DNAH12: variants seen among roughly 807,000 people sequenced by gnomAD.
DNAH12 encodes axonemal beta dynein heavy chain 12.
A neutral mutation model predicts 371.5 loss-of-function variants in DNAH12; 285 were observed. The ratio of observed to expected loss-of-function variants is 0.77; its 90% CI spans 0.70 to 0.85. DNAH12 has a LOEUF of 0.85. Among genes scored for constraint, DNAH12 ranks in the 40% least tolerant of loss-of-function variants. The pLI, the probability that DNAH12 is intolerant of heterozygous loss-of-function variation, is 0.00. For synonymous variants in DNAH12, 1,200 were observed against 1,213.0 expected (o/e 0.99, Z 0.22); for missense variants, 3,611 against 3,689.4 (o/e 0.98, Z 0.55).
Position 57,471,495 on chromosome 3 carries a change from C to T in DNAH12, c.1888G>A (p.Ala630Thr), listed in dbSNP as rs369526428. 6.5e-6 allele frequency: 10 copies of T among 1,547,364 alleles called. No individual in the cohort carries two copies. Among genetic ancestry groups the T allele is most frequent in the African/African-American group, 1.4e-5 (1 of 72,782 alleles). Reference protein sequence around the residue: ...SRRMEEFTEFAELERMQQYVT... With the variant: ...SRRMEEFTEFTELERMQQYVT... Reference sequence around the variant, plus strand: ...ACCTGTTGCATGCGCTCCAGCTCTGCAAATTCTGTAAACTCCTCCATGCGG... The same window carrying T: ...ACCTGTTGCATGCGCTCCAGCTCTGTAAATTCTGTAAACTCCTCCATGCGG... The change falls in exon 15 of 74, where the codon GCA (alanine) becomes ACA (threonine). Residue 630 changes from alanine (A) to threonine (T), a missense_variant. By Grantham distance (58) the Ala-to-Thr change is moderately conservative (BLOSUM62 0). Coordinates refer to ENST00000495027, the MANE Select transcript of DNAH12 (RefSeq NM_001366028.2).
chr3:57,352,147 G>GCATATA lies in DNAH12; in HGVS notation c.9606_9611dup (p.Ile3203_Cys3204dup). 6.5e-7 allele frequency: 1 copy of GCATATA among 1,542,754 alleles called. No homozygotes were observed. Among genetic ancestry groups the GCATATA allele is most frequent in the South Asian group, 1.2e-5 (1 of 80,644 alleles). On this transcript the variant is annotated inframe_insertion, in exon 60 of 74. Transcript: ENST00000495027. ...GCTTGTCCTTCTCAAATAGTGATCG[G>GCATATA]CATATATTACAATATAAGTTGTATG...
intron 25 of DNAH12, among the ~76,000 whole-genome samples, chr3:57,448,318 TACAGCTCTTAAG>T (rs1377177307): frequency 1.3e-5 from 2 of 152,070 alleles, no homozygotes; most frequent in Non-Finnish European, 1.5e-5. Context: ...CAGTGAGTGT[TACAGCTCTTAAG>T]GCAGCACGTC....
rs371082386 is a variant in DNAH12, at chr3:57,509,115, A to T, written c.542+25T>A. 3.8e-6 allele frequency: 6 copies of T among 1,584,572 alleles called. No homozygotes were observed. In the African/African-American group the frequency reaches 6.8e-5, roughly 18 times the overall value. Reference sequence around the variant, plus strand: ...ATCTATATCAAAAATTGGATGAAGTACTGTTTTTAAAATAATTTACTCACA... The same window carrying T: ...ATCTATATCAAAAATTGGATGAAGTTCTGTTTTTAAAATAATTTACTCACA... On this transcript the variant is annotated intron_variant, in intron 6 of 73. Transcript: ENST00000495027.
At chr3:57,473,418 G>A (rs1320691803) in intron 13 of DNAH12, among the ~76,000 whole-genome samples, 1 of 151,960 alleles carries the variant, frequency 6.6e-6, no homozygotes, top group Non-Finnish European at 1.5e-5. Context: ...CCCAGGAGGT[G>A]GAGGTTGCAG....
intron 12 of DNAH12, among the ~76,000 whole-genome samples, chr3:57,484,925 T>C (rs2066874528): frequency 6.6e-6 from 1 of 151,802 alleles, no homozygotes. Context: ...AAAAAACCTA[T>C]GAAAAAATGC....
At chr3:57,509,074 GA>G (rs1216909246) in intron 6 of DNAH12, 65 bp downstream of exon 6, 89 of 1,345,352 alleles carry the variant, frequency 6.6e-5, no homozygotes, top group Non-Finnish European at 8.9e-5. Context: ...TTGAAGGTAA[GA>G]TCAGTTTATT....
intron 2 of DNAH12, among the ~76,000 whole-genome samples, chr3:57,532,866 G>T (rs1028255864): frequency 1.3e-5 from 2 of 152,158 alleles, no homozygotes; most frequent in African/African-American, 4.8e-5. Context: ...AAAGCCGTAG[G>T]TCTCTACAAT....
Position 57,293,748 on chromosome 3 carries a change from T to C in DNAH12, c.*33A>G. 1 of 1,513,356 alleles carries C rather than the reference T, an allele frequency of 6.6e-7. No homozygotes were observed. The highest frequency in any genetic ancestry group is 1.3e-5 in the South Asian group (1 of 78,528). The allele number at this position is 1,513,356 out of a possible 1,614,324, so 93.7% of individuals were successfully genotyped here. A position where few individuals can be genotyped will look rare whatever the true frequency, so the allele number is the denominator to read the frequency against. On this transcript the variant is annotated 3_prime_UTR_variant, in exon 74 of 74. Transcript: ENST00000495027. ...TAAGTAGGACAGGTTTTTTTTTTTTTAAACTTTTGGATGTTTTATAAATTT... is the reference window on the plus strand; with the variant it reads ...TAAGTAGGACAGGTTTTTTTTTTTTCAAACTTTTGGATGTTTTATAAATTT...
intron 69 of DNAH12, among the ~76,000 whole-genome samples, chr3:57,305,708 A>C (rs1482852349): frequency 6.6e-6 from 1 of 152,120 alleles, no homozygotes; most frequent in Non-Finnish European, 1.5e-5. Context: ...CTCAATATAC[A>C]TTTTATTACC....
chr3:57,339,186 G>C (rs934515271), intron 60 of DNAH12, among the ~76,000 whole-genome samples: 35 of 152,112 alleles, frequency 2.3e-4, no homozygotes, highest in Admixed American at 2.0e-3. Flanking sequence ...CAGCATGCTC[G>C]TTAAGAGTCA....
At chr3:57,352,003 C>T (rs2062687118) in intron 60 of DNAH12, 82 bp downstream of exon 60, 2 of 1,356,330 alleles carry the variant, frequency 1.5e-6, no homozygotes, top group Non-Finnish European at 2.0e-6. Flanking sequence ...ATATAGACTT[C>T]TGTGAGAAGA....
At chr3:57,300,135 G>T (rs993382324) in intron 70 of DNAH12, among the ~76,000 whole-genome samples, 6 of 152,138 alleles carry the variant, frequency 3.9e-5, no homozygotes, top group African/African-American at 1.4e-4. Flanking sequence ...CTTCTCTGCT[G>T]TGCTGCCCAC....
chr3:57,421,062 A>G (rs933017810), intron 36 of DNAH12, among the ~76,000 whole-genome samples: 4 of 148,750 alleles, frequency 2.7e-5, no homozygotes, highest in South Asian at 4.4e-4. Context: ...CTGTGTTAGC[A>G]TGGTTTTGGG....
At chr3:57,376,846 G>A (rs1254310106) in intron 53 of DNAH12, 135 bp downstream of exon 53, 1 of 152,094 alleles carries the variant, frequency 6.6e-6, no homozygotes, top group Non-Finnish European at 1.5e-5. Context: ...GGAGAAGCCT[G>A]GCCAGGTGTC....
upstream of DNAH12, among the ~76,000 whole-genome samples, chr3:57,548,431 A>G (rs2069595067): frequency 6.6e-6 from 1 of 152,216 alleles, no homozygotes; most frequent in Non-Finnish European, 1.5e-5. Context: ...AGAAAAGGCC[A>G]GGCTCAGTGG....
chr3:57,540,755 C>G (rs964740530), intron 2 of DNAH12, among the ~76,000 whole-genome samples: 1 of 151,938 alleles, frequency 6.6e-6, no homozygotes, highest in Non-Finnish European at 1.5e-5. Flanking sequence ...CATGGCGAAA[C>G]CATGTCTCTT....
chr3:57,342,948 C>A (rs2062442676), intron 60 of DNAH12, among the ~76,000 whole-genome samples: 1 of 151,852 alleles, frequency 6.6e-6, no homozygotes, highest in Non-Finnish European at 1.5e-5. Context: ...TGGCTTGTGC[C>A]TGTGTCCCAG....
chr3:57,459,492 A>G, intron 20 of DNAH12, 100 bp downstream of exon 20: 1 of 1,158,048 alleles, frequency 8.6e-7, no homozygotes, highest in Non-Finnish European at 1.1e-6. Context: ...GTATACAATG[A>G]GCAAGTTTAA....
rs1303764607 is a variant in DNAH12, at chr3:57,322,611, TA to T, written c.10384-129del. ...AAATATTCAAAAAACCTCTTAAGGTTAAGCATCTGAGGCTTGATTAAGATAT... is the reference window on the plus strand; with the variant it reads ...AAATATTCAAAAAACCTCTTAAGGTTAGCATCTGAGGCTTGATTAAGATAT... On this transcript the variant is annotated intron_variant, in intron 64 of 73. Transcript: ENST00000495027. 7.9e-6 allele frequency: 9 copies of T among 1,133,396 alleles called. No individual in the cohort carries two copies. The African/African-American group carries it at 1.1e-4, about 14-fold the overall frequency. 70.2% of individuals were successfully genotyped at this position (1,133,396 alleles called of 1,614,324 possible). A position where few individuals can be genotyped will look rare whatever the true frequency, so the allele number is the denominator to read the frequency against.
Sources: allele counts gnomAD v4.1 joint callset (sites outside exome capture counted in the v4.1 genomes callset), GRCh38; gene constraint gnomAD v4.1.1; transcripts MANE v1.5; gene names NCBI Gene and HGNC (gene_info 2026-07-23, HGNC 2026-07-21).